The following CNOT7 variants were observed in gnomAD, a reference collection of about 807,000 sequenced individuals.
The protein encoded by CNOT7 is BTG1-binding factor 1.
A neutral mutation model predicts 37.1 loss-of-function variants in CNOT7; 4 were observed. That is an observed-to-expected ratio of 0.11 (90% CI 0.05 to 0.25). The LOEUF is 0.25. Among genes scored for constraint, CNOT7 ranks in the 10% least tolerant of loss-of-function variants. The probability of loss-of-function intolerance (pLI) is 1.00; values close to 1 mark genes in which losing one functional copy is unlikely to be tolerated. For synonymous variants in CNOT7, 128 were observed against 115.6 expected (o/e 1.11, Z -0.69); for missense variants, 170 against 336.2 (o/e 0.51, Z 3.87).
chr8:17,243,715 C>T (rs569447575), intron 2 of CNOT7: 2 of 452,568 alleles, frequency 4.4e-6, no homozygotes, highest in African/African-American at 4.0e-5. Flanking sequence ...AATTGCATGC[C>T]ACCTACTCAC....
At chr8:17,238,863 C>T (rs1809752025) in intron 3 of CNOT7, among the ~76,000 whole-genome samples, 1 of 152,138 alleles carries the variant, frequency 6.6e-6, no homozygotes, top group Admixed American at 6.5e-5. Context: ...ATCTTTCTTA[C>T]TTAGACTACA....
At chr8:17,233,690 G>T (rs1292216146) in intron 5 of CNOT7, among the ~76,000 whole-genome samples, 2 of 152,168 alleles carry the variant, frequency 1.3e-5, no homozygotes, top group Non-Finnish European at 2.9e-5. Flanking sequence ...ATACCCTACT[G>T]CAAGTTCACT....
intron 2 of CNOT7, among the ~76,000 whole-genome samples, chr8:17,244,081 T>C (rs1182108810): frequency 6.6e-6 from 1 of 152,200 alleles, no homozygotes; most frequent in Admixed American, 6.5e-5. Flanking sequence ...CAACAGCCAC[T>C]TTATTGAATA....
In CNOT7 at chr8:17,228,645, G is replaced by C. The variant is rs1279112636; in HGVS notation, c.*2075C>G. ...TACCTCTCAATACACCCACTGTAAA[G>C]TTGAAAAATCATTAAGTCGAAAGTA... On this transcript the variant is annotated 3_prime_UTR_variant, in exon 7 of 7. Transcript: ENST00000361272. 2 of 151,876 alleles carry C rather than the reference G, an allele frequency of 1.3e-5. No homozygotes were observed. The highest frequency in any genetic ancestry group is 4.8e-5 in the African/African-American group (2 of 41,428). 9.4% of individuals were successfully genotyped at this position (151,876 alleles called of 1,614,324 possible). A position where few individuals can be genotyped will look rare whatever the true frequency, so the allele number is the denominator to read the frequency against.
intron 2 of CNOT7, among the ~76,000 whole-genome samples, chr8:17,243,835 G>T (rs573099348): frequency 6.6e-6 from 1 of 152,012 alleles, no homozygotes; most frequent in Admixed American, 6.5e-5. Flanking sequence ...TCTAATCATG[G>T]GTAAGTACAC....
intron 3 of CNOT7, chr8:17,241,178 T>C (rs1359086478): frequency 6.6e-6 from 1 of 152,178 alleles, no homozygotes; most frequent in African/African-American, 2.4e-5. Context: ...GCAATCCACT[T>C]GGTTCAGCCT....
intron 3 of CNOT7, among the ~76,000 whole-genome samples, chr8:17,238,195 C>T (rs1809640144): frequency 6.6e-6 from 1 of 152,162 alleles, no homozygotes; most frequent in South Asian, 2.1e-4. Context: ...AATACAGATA[C>T]ATTTTTGAGA....
In CNOT7 at chr8:17,229,385, C is replaced by CG. The variant is rs1436647280; in HGVS notation, c.*1334_*1335insC. On this transcript the variant is annotated 3_prime_UTR_variant, in exon 7 of 7. Coordinates refer to ENST00000361272, the MANE Select transcript of CNOT7 (RefSeq NM_013354.7). ...GTACAAGGGAGACAAACCAATGTGA[C>CG]TAACATTTGGAGATTTGCTAATATT... 1 of 152,246 alleles carries CG rather than the reference C, an allele frequency of 6.6e-6. No homozygotes were observed. Among genetic ancestry groups the CG allele is most frequent in the East Asian group, 1.9e-4 (1 of 5,188 alleles). The allele number at this position is 152,246 out of a possible 1,614,324, so 9.4% of individuals were successfully genotyped here. A position where few individuals can be genotyped will look rare whatever the true frequency, so the allele number is the denominator to read the frequency against.
At chr8:17,238,168 A>C (rs1809635052) in intron 3 of CNOT7, among the ~76,000 whole-genome samples, 1 of 152,178 alleles carries the variant, frequency 6.6e-6, no homozygotes, top group African/African-American at 2.4e-5. Flanking sequence ...GAAATATTAA[A>C]ACAAAAAAGT....
rs188465935 is a variant in CNOT7, at chr8:17,228,559, A to G, written c.*2161T>C. 1 of 152,074 alleles carries G rather than the reference A, an allele frequency of 6.6e-6. No individual in the cohort carries two copies. The highest frequency in any genetic ancestry group is 2.4e-5 in the African/African-American group (1 of 41,550). 9.4% of individuals were successfully genotyped at this position (152,074 alleles called of 1,614,324 possible). The stretch of plus-strand genomic sequence containing the variant: ...TTGCAATGGTGCAAAAGCAATACAC[A>G]TTCAGTAGAAACTATAACCCCATCT... On this transcript the variant is annotated 3_prime_UTR_variant, in exon 7 of 7. Coordinates refer to ENST00000361272, the MANE Select transcript of CNOT7 (RefSeq NM_013354.7).
intron 4 of CNOT7, 54 bp from the exon 5 acceptor site, chr8:17,234,914 TAA>T (rs35647850): frequency 4.9e-5 from 69 of 1,413,444 alleles, no homozygotes; most frequent in Non-Finnish European, 6.0e-5. Context: ...CTATAAAGAT[TAA>T]AAAAAAAAGT....
chr8:17,245,686 C>G (rs992585351), intron 1 of CNOT7, among the ~76,000 whole-genome samples: 6 of 152,046 alleles, frequency 3.9e-5, no homozygotes, highest in African/African-American at 1.2e-4. Flanking sequence ...GACTTGATAA[C>G]AAGATCTACT....
At chr8:17,241,554 T>C (rs1477254111) in intron 3 of CNOT7, 1 of 152,216 alleles carries the variant, frequency 6.6e-6, no homozygotes, top group African/African-American at 2.4e-5. Context: ...AAAGAATTCA[T>C]ACATTGGCAC....
chr8:17,234,396 G>C (rs576489201), intron 5 of CNOT7, among the ~76,000 whole-genome samples: 1 of 152,258 alleles, frequency 6.6e-6, no homozygotes, highest in African/African-American at 2.4e-5. Context: ...ACTCACAATG[G>C]CGTGCATATG....
intron 6 of CNOT7, among the ~76,000 whole-genome samples, chr8:17,231,140 ATTAAT>A (rs1808547586): frequency 6.6e-6 from 1 of 152,156 alleles, no homozygotes. Context: ...TAACTATTCC[ATTAAT>A]TTAACAATAC....
Position 17,226,675 on chromosome 8 carries a change from A to C in CNOT7, c.*4045T>G, listed in dbSNP as rs1195496447. ...ATATCCACTAAAAATGGATTTGGCA[A>C]TACAGCGCTGTTTTGACTTCTCATA... On this transcript the variant is annotated 3_prime_UTR_variant, in exon 7 of 7. Coordinates refer to ENST00000361272, the MANE Select transcript of CNOT7 (RefSeq NM_013354.7). 1 of 151,782 alleles carries C rather than the reference A, an allele frequency of 6.6e-6. No individual in the cohort carries two copies. The highest frequency in any genetic ancestry group is 1.5e-5 in the Non-Finnish European group (1 of 67,722). 9.4% of individuals were successfully genotyped at this position (151,782 alleles called of 1,614,324 possible). A position where few individuals can be genotyped will look rare whatever the true frequency, so the allele number is the denominator to read the frequency against.
At chr8:17,236,132 T>A (rs1809329228) in intron 4 of CNOT7, among the ~76,000 whole-genome samples, 1 of 152,216 alleles carries the variant, frequency 6.6e-6, no homozygotes, top group African/African-American at 2.4e-5. Context: ...TAGGTAAGAA[T>A]GAGTGTGTTC....
At chr8:17,236,841 T>C (rs1809427623) in intron 4 of CNOT7, among the ~76,000 whole-genome samples, 1 of 152,176 alleles carries the variant, frequency 6.6e-6, no homozygotes, top group African/African-American at 2.4e-5. Context: ...CTCAATAACG[T>C]TGTGTAAATG....
chr8:17,245,534 C>G (rs1585861778), intron 1 of CNOT7, among the ~76,000 whole-genome samples: 1 of 152,182 alleles, frequency 6.6e-6, no homozygotes, highest in South Asian at 2.1e-4. Flanking sequence ...CTGAGTTCAA[C>G]TACTCTGCAT....
Sources: gnomAD v4.1 joint callset for allele counts (sites outside exome capture counted in the v4.1 genomes callset) on GRCh38, gnomAD v4.1.1 for gene constraint, MANE v1.5 for transcripts, NCBI Gene and HGNC (gene_info 2026-07-23, HGNC 2026-07-21) for gene names.